The following BCAS1 variants were observed in gnomAD, a reference collection of about 807,000 sequenced individuals.
The protein encoded by BCAS1 is brain enriched myelin associated protein 1.
In BCAS1, 46 loss-of-function variants were observed where a neutral mutation model predicts 65.4. The ratio of observed to expected loss-of-function variants is 0.70; its 90% CI spans 0.55 to 0.90. The LOEUF (loss-of-function observed/expected upper bound fraction) is 0.90. BCAS1 is among the 40% of genes least tolerant of loss of function. The pLI is 0.00. For missense variants in BCAS1, 793 were observed against 771.2 expected (o/e 1.03, Z -0.33); for synonymous variants, 298 against 293.5 (o/e 1.02, Z -0.16).
chr20:53,948,473 C>T (rs1319325493), intron 12 of BCAS1, among the ~76,000 whole-genome samples: 1 of 152,218 alleles, frequency 6.6e-6, no homozygotes. Flanking sequence ...GGTCTGCAGT[C>T]CCCCAAGGTA....
intron 3 of BCAS1, among the ~76,000 whole-genome samples, chr20:54,047,299 C>A (rs1005667555): frequency 6.6e-6 from 1 of 152,158 alleles, no homozygotes; most frequent in African/African-American, 2.4e-5. Context: ...TGTGTCATCC[C>A]TTCTACTACA....
chr20:54,002,956 G>A lies in BCAS1; in HGVS notation c.724-6906C>T, dbSNP rs140030203. Among the ~76,000 whole-genome samples, 1,105 of 152,234 alleles carry A rather than the reference G, an allele frequency of 7.3e-3. 10 individuals are homozygous for A. Among genetic ancestry groups the A allele is most frequent in the South Asian group, 0.041 (199 of 4,822 alleles). ...CTGGGCATTTGAGGACAGGCACTGC[G>A]TGTGTCTCATTCACAACAAGATCAA... On this transcript the variant is annotated intron_variant, in intron 4 of 12. Transcript: ENST00000688948.
intron 4 of BCAS1, among the ~76,000 whole-genome samples, chr20:54,000,248 A>G (rs1205610229): frequency 6.6e-6 from 1 of 152,134 alleles, no homozygotes; most frequent in African/African-American, 2.4e-5. Flanking sequence ...TACCACTGGT[A>G]TCTGGAGGAT....
chr20:54,027,638 T>G (rs158550), intron 4 of BCAS1, among the ~76,000 whole-genome samples: 48,312 of 152,006 alleles, frequency 0.32, 8,006 homozygotes, highest in South Asian at 0.42. Flanking sequence ...CTTCTTCTTT[T>G]AAGGAGTTCT....
At chr20:53,967,373 T>G (rs1260160558) in intron 9 of BCAS1, among the ~76,000 whole-genome samples, 1 of 152,138 alleles carries the variant, frequency 6.6e-6, no homozygotes, top group East Asian at 1.9e-4. Flanking sequence ...CCCAATCAAA[T>G]CTAGTAAGCC....
rs780957628 is a variant in BCAS1, at chr20:54,028,911, CT to C, written c.203del (p.Glu68GlyfsTer2). 30 of 1,613,988 alleles carry C rather than the reference CT, an allele frequency of 1.9e-5. No individual in the cohort carries two copies. In the Admixed American group the frequency reaches 5.0e-4, roughly 27 times the overall value. ...NVATSSPETT[E>X]ISAVADANGK... ...CGTTGGCATCCGCAACAGCACTTAT[CT>C]CCGTTGTCTCGGGGGAAGAAGTGGC... is the stretch of plus-strand genomic sequence containing the variant. On this transcript the variant is annotated frameshift_variant, in exon 4 of 13. Transcript: ENST00000688948. LOFTEE classifies it high-confidence loss of function.
At chr20:54,065,450 T>C (rs987750268) in intron 1 of BCAS1, among the ~76,000 whole-genome samples, 24 of 152,222 alleles carry the variant, frequency 1.6e-4, no homozygotes, top group African/African-American at 5.8e-4. Context: ...GCAGTTTTGA[T>C]AGTCACGGTT....
At position 54,025,244 on chromosome 20, in the gene BCAS1, G is replaced by A. The variant is rs554639666; in HGVS notation, c.723+3148C>T. On this transcript the variant is annotated intron_variant, in intron 4 of 12. Transcript: ENST00000688948. ...TGGGTTTTATTTTTAACCAATAAAG[G>A]TCAAGTTTGCATTATGTGATTTTGT... Among the ~76,000 whole-genome samples the A allele has an allele frequency of 5.3e-5, 8 of 152,238 alleles. No homozygotes were observed. In the East Asian group the frequency reaches 9.7e-4, roughly 18 times the overall value.
intron 9 of BCAS1, among the ~76,000 whole-genome samples, chr20:53,975,123 A>C (rs969046545): frequency 3.3e-5 from 5 of 152,010 alleles, no homozygotes; most frequent in Admixed American, 3.3e-4. Context: ...CGTGTAGTAG[A>C]CTCTTTCAGC....
intron 7 of BCAS1, among the ~76,000 whole-genome samples, chr20:53,987,423 T>C (rs2090641702): frequency 6.6e-6 from 1 of 152,328 alleles, no homozygotes; most frequent in Middle Eastern, 3.4e-3. Flanking sequence ...GAGTACCTGG[T>C]GCTATTTTAG....
At chr20:54,065,109 CT>C (rs1442185691) in intron 1 of BCAS1, among the ~76,000 whole-genome samples, 4 of 143,104 alleles carry the variant, frequency 2.8e-5, no homozygotes, top group South Asian at 2.3e-4. Context: ...GAGTATCTAT[CT>C]ATCATCTATC....
chr20:53,958,349 TCAA>T lies in BCAS1; in HGVS notation c.1486-855_1486-853del, dbSNP rs1409917116. ...CTGGTGATAAAATGTTCGGTTCTTA[TCAA>T]CAACATTGACTCAGGTCTAATTCCC... On this transcript the variant is annotated intron_variant, in intron 10 of 12. Transcript: ENST00000688948. Among the ~76,000 whole-genome samples, 4 of 152,344 alleles carry T rather than the reference TCAA, an allele frequency of 2.6e-5. No homozygotes were observed. In the East Asian group the frequency reaches 7.7e-4, roughly 29 times the overall value.
chr20:54,013,242 C>T (rs1349961796), intron 4 of BCAS1, among the ~76,000 whole-genome samples: 1 of 152,104 alleles, frequency 6.6e-6, no homozygotes, highest in Admixed American at 6.5e-5. Context: ...GAGCAGCCAT[C>T]TGGAAAAAAA....
chr20:54,021,665 G>A (rs1421685406), intron 4 of BCAS1, among the ~76,000 whole-genome samples: 1 of 151,988 alleles, frequency 6.6e-6, no homozygotes, highest in African/African-American at 2.4e-5. Context: ...TCACTTATAA[G>A]TGGGAGATGA....
intron 4 of BCAS1, among the ~76,000 whole-genome samples, chr20:54,015,792 A>C (rs1218311006): frequency 6.6e-6 from 1 of 152,236 alleles, no homozygotes; most frequent in Non-Finnish European, 1.5e-5. Flanking sequence ...TCTAATTAAC[A>C]CAGCTCAGGA....
intron 3 of BCAS1, 79 bp downstream of exon 3, chr20:54,058,006 T>C: frequency 9.6e-7 from 1 of 1,041,308 alleles, no homozygotes; most frequent in Non-Finnish European, 1.4e-6. Context: ...TCATTTTTTT[T>C]TTTTTTTCAC....
chr20:54,020,237 T>C (rs1487262085), intron 4 of BCAS1, among the ~76,000 whole-genome samples: 1 of 152,144 alleles, frequency 6.6e-6, no homozygotes, highest in African/African-American at 2.4e-5. Flanking sequence ...TTAGTAAACT[T>C]GATAAGTTAT....
At chr20:53,957,632 A>G in intron 10 of BCAS1, 135 bp from the exon 11 acceptor site, 1 of 745,452 alleles carries the variant, frequency 1.3e-6, no homozygotes. Flanking sequence ...GCCAACTGGA[A>G]ACATGTTACT....
chr20:53,962,890 G>A (rs2089920116), intron 10 of BCAS1, among the ~76,000 whole-genome samples: 1 of 151,634 alleles, frequency 6.6e-6, no homozygotes, highest in African/African-American at 2.4e-5. Flanking sequence ...TCGCTCTGTC[G>A]CCCAGGCTGG....
Sources: gnomAD v4.1 joint callset for allele counts (sites outside exome capture counted in the v4.1 genomes callset) on GRCh38, gnomAD v4.1.1 for gene constraint, MANE v1.5 for transcripts, NCBI Gene and HGNC (gene_info 2026-07-23, HGNC 2026-07-21) for gene names.